The following PLA2G7 variants were observed in gnomAD, a reference collection of about 807,000 sequenced individuals.
The protein encoded by PLA2G7 is phospholipase A2 group VII.
In PLA2G7, 63 loss-of-function variants were observed where a neutral mutation model predicts 49.6. That is an observed-to-expected ratio of 1.27 (90% confidence interval 1.04 to 1.57). The LOEUF is 1.57. Among genes scored for constraint, PLA2G7 ranks in the 40% most tolerant of loss-of-function variants. PLA2G7 has a pLI of 0.00. For missense variants in PLA2G7, 596 were observed against 521.2 expected, an observed-to-expected ratio of 1.14 and a Z score of -1.40; for synonymous variants, 193 against 169.9, an observed-to-expected ratio of 1.14 and a Z score of -1.06.
intron 2 of PLA2G7, among the ~76,000 whole-genome samples, chr6:46,719,320 C>T (rs537283408): frequency 3.3e-5 from 5 of 152,308 alleles, no homozygotes; most frequent in East Asian, 1.9e-4. Context: ...AACACCTGCC[C>T]ATGATGAAGC....
At chr6:46,712,698 C>A (rs1201501626) in intron 5 of PLA2G7, among the ~76,000 whole-genome samples, 1 of 152,108 alleles carries the variant, frequency 6.6e-6, no homozygotes, top group East Asian at 1.9e-4. Flanking sequence ...TAAATATTGC[C>A]TTTGAGAGTT....
chr6:46,710,619 G>A lies in PLA2G7; in HGVS notation c.703C>T (p.Leu235=), dbSNP rs1239216848. 1 of 1,613,456 alleles carries A rather than the reference G, an allele frequency of 6.2e-7. No individual in the cohort carries two copies. The highest frequency in any genetic ancestry group is 8.5e-7 in the Non-Finnish European group (1 of 1,179,424). Residue 235 remains leucine, a synonymous_variant, in exon 8 of 12, where the codon CTG becomes TTG. Coordinates refer to ENST00000274793, the MANE Select transcript of PLA2G7 (RefSeq NM_005084.4). ...TTTCCATGATCAATGTCAAGAATCA[G>A]ACTGAGAGCTTGGGAACATTCTTTT... ...RAKECSQALS[L]ILDIDHGKPV... is the part of the protein sequence containing the mutation.
chr6:46,704,550 T>A lies in PLA2G7; in HGVS notation c.*10A>T, dbSNP rs777799881. On this transcript the variant is annotated 3_prime_UTR_variant, in exon 12 of 12. Coordinates refer to ENST00000274793, the MANE Select transcript of PLA2G7 (RefSeq NM_005084.4). Reference sequence around the variant, plus strand: ...TTTGAAACAAGACTTTTAAAAAACCTATTTTAATCCTAATTGTATTTCTCT... The same window carrying A: ...TTTGAAACAAGACTTTTAAAAAACCAATTTTAATCCTAATTGTATTTCTCT... 11 of 1,540,356 alleles carry A rather than the reference T, an allele frequency of 7.1e-6. No individual in the cohort carries two copies. The South Asian group carries it at 1.1e-4, about 16-fold the overall frequency.
At chr6:46,711,862 T>C (rs1194162723) in intron 6 of PLA2G7, among the ~76,000 whole-genome samples, 2 of 152,184 alleles carry the variant, frequency 1.3e-5, no homozygotes, top group East Asian at 3.8e-4. Flanking sequence ...TGGGAGGCAA[T>C]GTTAGCCATG....
chr6:46,730,220 A>G (rs980624414), intron 1 of PLA2G7, among the ~76,000 whole-genome samples: 2 of 152,388 alleles, frequency 1.3e-5, no homozygotes, highest in African/African-American at 4.8e-5. Context: ...GTTTACTTTT[A>G]ATGTGGAAAA....
chr6:46,714,510 A>G lies in PLA2G7; in HGVS notation c.420T>C (p.Pro140=). ...AAACAACAAGTGGATATTTTTCACCAGGCCTCAGAGGGGAATTCCAGTTTG... is the reference window on the plus strand; with the variant it reads ...AAACAACAAGTGGATATTTTTCACCGGGCCTCAGAGGGGAATTCCAGTTTG... ...TPANWNSPLR[P]GEKYPLVVFS... is the part of the protein sequence containing the mutation. The change falls in exon 5 of 12, where the codon CCT becomes CCC. Residue 140 remains proline, a synonymous_variant. Transcript: ENST00000274793. 6.2e-7 allele frequency: 1 copy of G among 1,612,870 alleles called. No homozygotes were observed. Among genetic ancestry groups the G allele is most frequent in the Non-Finnish European group, 8.5e-7 (1 of 1,178,982 alleles).
At chr6:46,716,640 A>G in intron 3 of PLA2G7, 112 bp from the exon 4 acceptor site, 1 of 1,088,534 alleles carries the variant, frequency 9.2e-7, no homozygotes. Context: ...TGTTCACAAA[A>G]AGGTCTAAAG....
intron 1 of PLA2G7, among the ~76,000 whole-genome samples, chr6:46,727,157 A>G (rs566807470): frequency 6.6e-6 from 1 of 152,306 alleles, no homozygotes; most frequent in East Asian, 1.9e-4. Context: ...CTGAAACCAC[A>G]GTGCCCTACC....
chr6:46,726,445 C>T (rs1765575779), intron 1 of PLA2G7, among the ~76,000 whole-genome samples: 1 of 152,148 alleles, frequency 6.6e-6, no homozygotes, highest in Non-Finnish European at 1.5e-5. Flanking sequence ...GCCTTTTTCT[C>T]AACCATGGGA....
At chr6:46,726,548 C>A (rs536556694) in intron 1 of PLA2G7, among the ~76,000 whole-genome samples, 15 of 152,156 alleles carry the variant, frequency 9.9e-5, no homozygotes, top group African/African-American at 3.6e-4. Flanking sequence ...CTAGAGAATC[C>A]AACAGGACTA....
At chr6:46,729,002 T>C (rs997340377) in intron 1 of PLA2G7, among the ~76,000 whole-genome samples, 1 of 152,188 alleles carries the variant, frequency 6.6e-6, no homozygotes, top group Non-Finnish European at 1.5e-5. Flanking sequence ...GGAACCCTGA[T>C]AATGGGGTTC....
intron 1 of PLA2G7, among the ~76,000 whole-genome samples, chr6:46,727,102 G>A (rs562158186): frequency 2.6e-5 from 4 of 151,954 alleles, no homozygotes; most frequent in South Asian, 2.1e-4. Context: ...CCATTTAAAC[G>A]GATTCTACCT....
chr6:46,725,317 T>C (rs567351172), intron 1 of PLA2G7, among the ~76,000 whole-genome samples: 2 of 150,416 alleles, frequency 1.3e-5, no homozygotes, highest in South Asian at 4.2e-4. Flanking sequence ...TTGCAACCTC[T>C]GCCTCCTGGG....
At chr6:46,725,641 G>A (rs1246636282) in intron 1 of PLA2G7, among the ~76,000 whole-genome samples, 1 of 151,952 alleles carries the variant, frequency 6.6e-6, no homozygotes, top group Non-Finnish European at 1.5e-5. Flanking sequence ...TTATAATTTT[G>A]GTTGATTTTA....
chr6:46,709,060 A>C (rs937781065), intron 9 of PLA2G7, among the ~76,000 whole-genome samples: 1 of 152,150 alleles, frequency 6.6e-6, no homozygotes, highest in Admixed American at 6.5e-5. Flanking sequence ...ATAAAGATAA[A>C]TTTTTCAGTG....
intron 1 of PLA2G7, among the ~76,000 whole-genome samples, chr6:46,732,232 T>C (rs1741025802): frequency 6.6e-6 from 1 of 152,120 alleles, no homozygotes; most frequent in Admixed American, 6.5e-5. Context: ...GAGCAGGACA[T>C]TTGTGCTTGT....
intron 5 of PLA2G7, among the ~76,000 whole-genome samples, chr6:46,713,764 C>T (rs976680326): frequency 6.6e-6 from 1 of 152,184 alleles, no homozygotes. Flanking sequence ...CTACAGACTG[C>T]ATAGCTTACT....
At position 46,711,612 on chromosome 6, in the gene PLA2G7, A is replaced by G. The variant is rs1765027246; in HGVS notation, c.547T>C (p.Ser183Pro). The G allele has an allele frequency of 6.2e-7, 1 of 1,613,492 alleles. No homozygotes were observed. The highest frequency in any genetic ancestry group is 8.5e-7 in the Non-Finnish European group (1 of 1,179,506). ...TTGAAATAGTAAGTTGCAGATGCAGATCTATCTCTATAATACAAGCAAAAT... is the reference window on the plus strand; with the variant it reads ...TTGAAATAGTAAGTTGCAGATGCAGGTCTATCTCTATAATACAAGCAAAAT... ...IVAAVEHRDRSASATYYFKDQ... is the reference protein window; with the variant it reads ...IVAAVEHRDRPASATYYFKDQ... Residue 183 changes from serine (S) to proline (P), a missense_variant, in exon 7 of 12, where the codon TCT (serine) becomes CCT (proline). Physicochemically the swap from Ser to Pro is moderately conservative, Grantham distance 74 (BLOSUM62 -1). Transcript: ENST00000274793.
At chr6:46,714,276 G>A (rs553212454) in intron 5 of PLA2G7, among the ~76,000 whole-genome samples, 184 bp downstream of exon 5, 18 of 152,048 alleles carry the variant, frequency 1.2e-4, no homozygotes, top group Non-Finnish European at 1.5e-4. Context: ...CTGATAGTAG[G>A]GAAAAAACTA....
Sources: gnomAD v4.1 joint callset for allele counts (sites outside exome capture counted in the v4.1 genomes callset) on GRCh38, gnomAD v4.1.1 for gene constraint, MANE v1.5 for transcripts, NCBI Gene and HGNC (gene_info 2026-07-23, HGNC 2026-07-21) for gene names.